Variants in ARL15 observed in about 807,000 individuals in gnomAD.
The protein encoded by ARL15 is ADP-ribosylation factor-like protein 15.
Under a neutral mutation model 25.2 loss-of-function variants are expected in ARL15, and 19 were observed. The observed-to-expected ratio is 0.75, with a 90% CI of 0.53 to 1.10. The LOEUF (loss-of-function observed/expected upper bound fraction) is 1.10. Ranked by LOEUF, ARL15 falls within the 50% of genes least tolerant of loss-of-function variation. ARL15 has a pLI of 0.00. For missense variants in ARL15, 220 were observed against 246.0 expected, an observed-to-expected ratio of 0.89 and a Z score of 0.71; for synonymous variants, 94 against 86.8, an observed-to-expected ratio of 1.08 and a Z score of -0.46.
At chr5:54,223,606 T>A (rs937314085) in intron 1 of ARL15, among the ~76,000 whole-genome samples, 6 of 152,204 alleles carry the variant, frequency 3.9e-5, no homozygotes, top group African/African-American at 1.4e-4. Context: ...AACAGCATTA[T>A]CTAAATATGA....
chr5:53,886,835 A>G (rs1183048585), intron 4 of ARL15, 122 bp from the exon 5 acceptor site: 1 of 895,086 alleles, frequency 1.1e-6, no homozygotes, highest in African/African-American at 1.7e-5. Context: ...TGTGATGCCT[A>G]CAACTTTGCA....
chr5:53,910,258 G>A (rs1745406742), intron 4 of ARL15, among the ~76,000 whole-genome samples: 1 of 152,126 alleles, frequency 6.6e-6, no homozygotes, highest in Admixed American at 6.5e-5. Flanking sequence ...GTAATCTTTA[G>A]AGAAGATCAT....
intron 4 of ARL15, chr5:53,887,408 A>G: frequency 5.7e-6 from 4 of 700,722 alleles, no homozygotes; most frequent in Non-Finnish European, 1.0e-5. Context: ...GCAAGAACTT[A>G]TAATAGGTAT....
At chr5:54,296,366 T>C (rs1478555131) in intron 1 of ARL15, among the ~76,000 whole-genome samples, 1 of 152,234 alleles carries the variant, frequency 6.6e-6, no homozygotes, top group Non-Finnish European at 1.5e-5. Context: ...GGTAGGTATT[T>C]AATACTATCA....
chr5:53,995,756 G>A (rs1401531798), intron 4 of ARL15, among the ~76,000 whole-genome samples: 1 of 152,070 alleles, frequency 6.6e-6, no homozygotes, highest in African/African-American at 2.4e-5. Flanking sequence ...GGCATTCCTG[G>A]CCCCTGCCCA....
rs539146964 is a variant in ARL15, at chr5:54,142,385, G to A, written c.253+12195C>T. ...GAGTTTGTCTAATGACAAAAATAAAGGATGCTCACAGCCTGGGGAACTAAG... is the reference window on the plus strand; with the variant it reads ...GAGTTTGTCTAATGACAAAAATAAAAGATGCTCACAGCCTGGGGAACTAAG... On this transcript the variant is annotated intron_variant, in intron 3 of 4. Transcript: ENST00000504924. Among the ~76,000 whole-genome samples, 11 of 152,266 alleles carry A rather than the reference G, an allele frequency of 7.2e-5. No individual in the cohort carries two copies. In the East Asian group the frequency reaches 1.5e-3, roughly 21 times the overall value.
intron 4 of ARL15, among the ~76,000 whole-genome samples, chr5:54,068,385 T>C (rs559970349): frequency 7.4e-4 from 112 of 152,262 alleles, no homozygotes; most frequent in African/African-American, 2.6e-3. Context: ...TCAGAAATAG[T>C]CTCTAGAAAG....
chr5:54,194,087 C>T (rs1001840424), intron 1 of ARL15, among the ~76,000 whole-genome samples: 3 of 152,024 alleles, frequency 2.0e-5, no homozygotes, highest in South Asian at 4.1e-4. Context: ...GGAATTATTC[C>T]GACTATTACT....
chr5:54,256,441 A>G (rs1312807974), intron 1 of ARL15, among the ~76,000 whole-genome samples: 5 of 149,902 alleles, frequency 3.3e-5, no homozygotes, highest in Admixed American at 6.6e-5. Flanking sequence ...AAAGCCAACA[A>G]AAAAAAATCA....
At chr5:54,137,966 GT>G (rs2112299592) in intron 3 of ARL15, among the ~76,000 whole-genome samples, 1 of 152,040 alleles carries the variant, frequency 6.6e-6, no homozygotes, top group African/African-American at 2.4e-5. Context: ...GAATTTTAGA[GT>G]CAAAGTATGC....
chr5:54,051,464 C>T (rs1449995431), intron 4 of ARL15, among the ~76,000 whole-genome samples: 2 of 152,002 alleles, frequency 1.3e-5, no homozygotes, highest in African/African-American at 4.8e-5. Context: ...ATACATGTAA[C>T]AAATATAAAT....
chr5:53,973,568 T>C, intron 4 of ARL15, among the ~76,000 whole-genome samples: 1 of 129,500 alleles, frequency 7.7e-6, no homozygotes, highest in East Asian at 2.3e-4. Context: ...GAGTGAAACT[T>C]CATCTCAAAA....
At chr5:54,264,580 C>G (rs1757576194) in intron 1 of ARL15, among the ~76,000 whole-genome samples, 1 of 152,128 alleles carries the variant, frequency 6.6e-6, no homozygotes, top group Admixed American at 6.6e-5. Context: ...ATTTCCTAAC[C>G]TCATCTCCTC....
At chr5:54,286,023 T>G (rs1561295833) in intron 1 of ARL15, among the ~76,000 whole-genome samples, 1 of 152,212 alleles carries the variant, frequency 6.6e-6, no homozygotes, top group Non-Finnish European at 1.5e-5. Context: ...CATCTCCTTC[T>G]GTTAGTATTG....
At chr5:54,241,472 T>A (rs1756955436) in intron 1 of ARL15, among the ~76,000 whole-genome samples, 1 of 152,178 alleles carries the variant, frequency 6.6e-6, no homozygotes, top group African/African-American at 2.4e-5. Flanking sequence ...ATAGAGATAA[T>A]TATAGTTACT....
At chr5:53,923,925 T>G (rs1745935462) in intron 4 of ARL15, among the ~76,000 whole-genome samples, 1 of 152,156 alleles carries the variant, frequency 6.6e-6, no homozygotes, top group African/African-American at 2.4e-5. Context: ...GTAAACACTG[T>G]AAAGTTAAAA....
chr5:53,937,827 A>G (rs79319296), intron 4 of ARL15, among the ~76,000 whole-genome samples: 1 of 81,714 alleles, frequency 1.2e-5, no homozygotes, highest in Non-Finnish European at 3.4e-5. Flanking sequence ...TGAAATGGCA[A>G]AAAAAAAAAA....
chr5:54,121,209 T>C (rs754025118), intron 3 of ARL15, among the ~76,000 whole-genome samples: 5 of 152,172 alleles, frequency 3.3e-5, no homozygotes, highest in African/African-American at 2.4e-5. Context: ...CATAACAAAA[T>C]TGTAAGAGAA....
chr5:54,102,097 C>T (rs1336723822), intron 4 of ARL15, among the ~76,000 whole-genome samples: 1 of 151,430 alleles, frequency 6.6e-6, no homozygotes, highest in Non-Finnish European at 1.5e-5. Context: ...ACTGCAACCT[C>T]TGCCTCCTGG....
Sources: allele counts gnomAD v4.1 joint callset (sites outside exome capture counted in the v4.1 genomes callset), GRCh38; gene constraint gnomAD v4.1.1; transcripts MANE v1.5; gene names NCBI Gene and HGNC (gene_info 2026-07-23, HGNC 2026-07-21).